PRR5: variants seen among roughly 807,000 people sequenced by gnomAD.
PRR5 encodes the protein proline-rich protein 5.
A neutral mutation model predicts 30.6 loss-of-function variants in PRR5; 25 were observed. The observed-to-expected ratio is 0.82, with a 90% confidence interval of 0.60 to 1.14. The LOEUF (loss-of-function observed/expected upper bound fraction) is 1.14. Ranked by LOEUF, PRR5 falls within the 50% of genes most tolerant of loss-of-function variation. PRR5 has a pLI of 0.00. For synonymous variants in PRR5, 286 were observed against 247.1 expected, an observed-to-expected ratio of 1.16 and a Z score of -1.48; for missense variants, 600 against 547.1, an observed-to-expected ratio of 1.10 and a Z score of -0.96.
intron 1 of PRR5, among the ~76,000 whole-genome samples, chr22:44,711,455 G>C (rs550203259): frequency 6.6e-6 from 1 of 152,062 alleles, no homozygotes; most frequent in Non-Finnish European, 1.5e-5. Context: ...ACAGGTCAGA[G>C]GGAGAACCTC....
Position 44,737,153 on chromosome 22 carries a change from C to G in PRR5, c.1073C>G (p.Ser358Trp), listed in dbSNP as rs551482108. The G allele has an allele frequency of 1.9e-6, 3 of 1,612,716 alleles. No individual in the cohort carries two copies. Among genetic ancestry groups the G allele is most frequent in the Non-Finnish European group, 2.5e-6 (3 of 1,180,008 alleles). The change falls in exon 8 of 8, where the codon TCG becomes TGG. Residue 358 changes from serine to tryptophan, a missense_variant. Ser to Trp is a radical substitution (Grantham distance 177, BLOSUM62 -3). Transcript: ENST00000336985. ...LVDQILESVDSDSEGIFIDFG... is the reference protein window; with the variant it reads ...LVDQILESVDWDSEGIFIDFG... ...GACCAGATCCTGGAGTCCGTGGACT[C>G]GGATTCTGAAGGGATTTTCATTGAC...
chr22:44,720,055 ACATC>A (rs2147105970), intron 2 of PRR5, among the ~76,000 whole-genome samples: 1 of 152,292 alleles, frequency 6.6e-6, no homozygotes, highest in African/African-American at 2.4e-5. Context: ...TGATTTGAGG[ACATC>A]CACACCCCCT....
chr22:44,679,411 A>C (rs1257201091), intron 1 of PRR5: 1 of 159,048 alleles, frequency 6.3e-6, no homozygotes, highest in African/African-American at 2.4e-5. Flanking sequence ...ACTGCCACAA[A>C]GACACAGCCT....
At chr22:44,735,209 C>T (rs781124796) in intron 7 of PRR5, 47 bp downstream of exon 7, 12 of 1,572,690 alleles carry the variant, frequency 7.6e-6, no homozygotes, top group Non-Finnish European at 9.5e-6. Flanking sequence ...TGACCACGGG[C>T]CCCATCCATT....
chr22:44,724,361 G>A (rs1426188297), intron 2 of PRR5, among the ~76,000 whole-genome samples: 1 of 152,074 alleles, frequency 6.6e-6, no homozygotes, highest in Non-Finnish European at 1.5e-5. Context: ...GCTTGAACCC[G>A]GGTTCACCGC....
chr22:44,724,107 A>C (rs1407351817), intron 2 of PRR5, among the ~76,000 whole-genome samples: 6 of 152,188 alleles, frequency 3.9e-5, no homozygotes, highest in African/African-American at 1.4e-4. Flanking sequence ...AGAACCATGC[A>C]AAGAGAGGAC....
chr22:44,670,019 C>T (rs1023270380), intron 1 of PRR5, among the ~76,000 whole-genome samples: 1 of 152,242 alleles, frequency 6.6e-6, no homozygotes, highest in Admixed American at 6.5e-5. Flanking sequence ...TTCCTGGTCC[C>T]TGTCCTGAGC....
rs569996210 is a variant in PRR5 at position 44,731,874 on chromosome 22, C to T, written c.414+53C>T. 26 of 1,564,954 alleles carry T rather than the reference C, an allele frequency of 1.7e-5. No homozygotes were observed. In the South Asian group the frequency reaches 2.5e-4, roughly 15 times the overall value. ...GCCCAGTGCCCCTGCTGTGCCCACCCTGGCCTCACTCTACAGAGGGGGGCC... is the reference window on the plus strand; with the variant it reads ...GCCCAGTGCCCCTGCTGTGCCCACCTTGGCCTCACTCTACAGAGGGGGGCC... On this transcript the variant is annotated intron_variant, in intron 5 of 7. Coordinates refer to ENST00000336985, the MANE Select transcript of PRR5 (RefSeq NM_181333.4).
At chr22:44,695,965 C>T (rs981039534) in intron 1 of PRR5, among the ~76,000 whole-genome samples, 5 of 137,058 alleles carry the variant, frequency 3.6e-5, no homozygotes, top group Non-Finnish European at 7.7e-5. Context: ...GAGTCCCTCT[C>T]TGTCACCCAG....
Position 44,727,417 on chromosome 22 carries a change from C to T in PRR5, c.322+783C>T, listed in dbSNP as rs745411195. 2.6e-5 allele frequency among the ~76,000 whole-genome samples: 4 copies of T among 152,334 alleles called. 1 individual carries two copies. Among genetic ancestry groups the T allele is most frequent in the Middle Eastern group, 6.8e-3 (2 of 294 alleles). ...GCTGGGATCGGGCCTGCGCTGTACCCGTGTGTTGAGCACCTGTGCACTAGG... is the reference window on the plus strand; with the variant it reads ...GCTGGGATCGGGCCTGCGCTGTACCTGTGTGTTGAGCACCTGTGCACTAGG... On this transcript the variant is annotated intron_variant, in intron 4 of 7. Transcript: ENST00000336985.
chr22:44,728,646 G>A (rs1298103270), intron 4 of PRR5, among the ~76,000 whole-genome samples: 2 of 152,336 alleles, frequency 1.3e-5, no homozygotes, highest in African/African-American at 4.8e-5. Flanking sequence ...CATGCAGTGG[G>A]GACATAGCCA....
chr22:44,676,031 C>A (rs983238443), upstream of PRR5, among the ~76,000 whole-genome samples: 2 of 151,804 alleles, frequency 1.3e-5, no homozygotes, highest in Non-Finnish European at 2.9e-5. Flanking sequence ...ATTGTAGAAA[C>A]TGGCTCAGAT....
At chr22:44,713,285 C>G (rs569988776) in intron 1 of PRR5, among the ~76,000 whole-genome samples, 1 of 152,142 alleles carries the variant, frequency 6.6e-6, no homozygotes, top group Non-Finnish European at 1.5e-5. Flanking sequence ...GGAAGGGGTA[C>G]GGGGAGAGCT....
chr22:44,710,285 ACC>A (rs112076650), intron 1 of PRR5, among the ~76,000 whole-genome samples: 19,902 of 147,134 alleles, frequency 0.14, 1,394 homozygotes, highest in Admixed American at 0.17. Context: ...CCTCACCTGC[ACC>A]CCCCCCCCAG....
intron 2 of PRR5, among the ~76,000 whole-genome samples, chr22:44,718,776 T>TAA (rs1929490693): frequency 6.6e-6 from 1 of 152,244 alleles, no homozygotes. Context: ...CAGGTGTTTA[T>TAA]TGGTCATTTA....
At chr22:44,684,890 G>C (rs1924608918) in intron 1 of PRR5, among the ~76,000 whole-genome samples, 1 of 152,222 alleles carries the variant, frequency 6.6e-6, no homozygotes, top group South Asian at 2.1e-4. Flanking sequence ...CCCTCCTGGG[G>C]ATTCTGGAGC....
intron 1 of PRR5, among the ~76,000 whole-genome samples, chr22:44,709,905 A>G (rs1927896061): frequency 6.6e-6 from 1 of 152,050 alleles, no homozygotes; most frequent in South Asian, 2.1e-4. Flanking sequence ...AAGGGAACAA[A>G]TTTGAGTTGT....
chr22:44,676,028 A>G (rs1248958252), upstream of PRR5, among the ~76,000 whole-genome samples: 1 of 151,976 alleles, frequency 6.6e-6, no homozygotes, highest in Non-Finnish European at 1.5e-5. Flanking sequence ...TCCATTGTAG[A>G]AACTGGCTCA....
upstream of PRR5, among the ~76,000 whole-genome samples, chr22:44,699,026 T>A (rs1926017404): frequency 1.3e-5 from 2 of 152,108 alleles, no homozygotes; most frequent in Admixed American, 1.3e-4. Flanking sequence ...GCTGGGCTGT[T>A]GGGTGTAGAC....
Sources: gnomAD v4.1 joint callset for allele counts (sites outside exome capture counted in the v4.1 genomes callset) on GRCh38, gnomAD v4.1.1 for gene constraint, MANE v1.5 for transcripts, NCBI Gene and HGNC (gene_info 2026-07-23, HGNC 2026-07-21) for gene names.